Variants in KATNBL1 observed in about 807,000 individuals in gnomAD.
KATNBL1 encodes KATNB1-like protein 1.
In KATNBL1, 28 loss-of-function variants were observed where a neutral mutation model predicts 44.7. That is an observed-to-expected ratio of 0.63 (90% CI 0.46 to 0.86). The LOEUF (loss-of-function observed/expected upper bound fraction) is 0.86. KATNBL1 is among the 40% of genes least tolerant of loss of function. The pLI is 0.00. For synonymous variants in KATNBL1, 78 were observed against 114.9 expected, an observed-to-expected ratio of 0.68 and a Z score of 2.06; for missense variants, 272 against 350.7, an observed-to-expected ratio of 0.78 and a Z score of 1.79.
At chr15:34,200,259 T>C (rs141706783) in intron 1 of KATNBL1, among the ~76,000 whole-genome samples, 2,122 of 151,504 alleles carry the variant, frequency 0.014, 30 homozygotes, top group Non-Finnish European at 0.022. Flanking sequence ...CTCTCTCTCT[T>C]CTTTTTTTTT....
In KATNBL1 at chr15:34,204,046, A is replaced by C. The variant is rs573470023; in HGVS notation, c.-15+5905T>G. 2.7e-4 allele frequency among the ~76,000 whole-genome samples: 40 copies of C among 148,042 alleles called. No homozygotes were observed. In the South Asian group the frequency reaches 8.5e-3, roughly 32 times the overall value. ...TTAAAAAAAAAAAAAAAAAAGAGCCAGTGTGTGTGATTCACTCCCATTACC... is the reference window on the plus strand; with the variant it reads ...TTAAAAAAAAAAAAAAAAAAGAGCCCGTGTGTGTGATTCACTCCCATTACC... On this transcript the variant is annotated intron_variant, in intron 1 of 9. Transcript: ENST00000256544.
chr15:34,198,325 A>G, intron 1 of KATNBL1: 1 of 152,186 alleles, frequency 6.6e-6, no homozygotes, highest in Non-Finnish European at 1.5e-5. Context: ...CCATCATCCC[A>G]TAGTTTCTAG....
chr15:34,178,434 G>A (rs1889402172), intron 1 of KATNBL1, among the ~76,000 whole-genome samples: 2 of 152,136 alleles, frequency 1.3e-5, no homozygotes, highest in African/African-American at 2.4e-5. Flanking sequence ...AAAAATGAAA[G>A]GGAAGGGTGA....
At chr15:34,174,486 C>T (rs8028950) in intron 1 of KATNBL1, among the ~76,000 whole-genome samples, 2 of 151,894 alleles carry the variant, frequency 1.3e-5, no homozygotes, top group Non-Finnish European at 2.9e-5. Flanking sequence ...ATACTGATAA[C>T]TGTATTATAT....
At chr15:34,150,392 G>C (rs935123529) in intron 4 of KATNBL1, among the ~76,000 whole-genome samples, 3 of 152,122 alleles carry the variant, frequency 2.0e-5, no homozygotes, top group Non-Finnish European at 4.4e-5. Flanking sequence ...TCAGTAGTTC[G>C]AGACCAACCT....
intron 2 of KATNBL1, among the ~76,000 whole-genome samples, chr15:34,159,987 A>T (rs1311378880): frequency 1.3e-5 from 2 of 152,172 alleles, no homozygotes; most frequent in Non-Finnish European, 2.9e-5. Flanking sequence ...ATAAGCTCAA[A>T]TTTAGGTCCC....
At chr15:34,160,377 T>C (rs1888762073) in intron 2 of KATNBL1, among the ~76,000 whole-genome samples, 1 of 152,202 alleles carries the variant, frequency 6.6e-6, no homozygotes, top group African/African-American at 2.4e-5. Flanking sequence ...AGCTCTTCTA[T>C]AGATCTGCCT....
At chr15:34,148,420 CA>C in intron 5 of KATNBL1, 5 of 363,536 alleles carry the variant, frequency 1.4e-5, no homozygotes, top group Middle Eastern at 8.5e-4. Context: ...TCATGTCTTC[CA>C]AAAAATTTTT....
chr15:34,151,162 C>T (rs1229884737), intron 4 of KATNBL1, among the ~76,000 whole-genome samples: 4 of 152,060 alleles, frequency 2.6e-5, no homozygotes, highest in African/African-American at 4.8e-5. Context: ...GAAAAATTGT[C>T]GCACTGCTTT....
intron 1 of KATNBL1, among the ~76,000 whole-genome samples, chr15:34,197,126 T>C (rs1361952305): frequency 2.0e-5 from 3 of 152,216 alleles, no homozygotes; most frequent in Non-Finnish European, 4.4e-5. Flanking sequence ...TTTGCATCCA[T>C]GATAACACAA....
At chr15:34,198,299 T>C (rs1049054726) in intron 1 of KATNBL1, 2 of 152,212 alleles carry the variant, frequency 1.3e-5, no homozygotes, top group African/African-American at 4.8e-5. Flanking sequence ...CAATCTTTCC[T>C]GCTGTGAAAT....
chr15:34,150,323 G>A (rs2140905542), intron 4 of KATNBL1, among the ~76,000 whole-genome samples: 2 of 152,324 alleles, frequency 1.3e-5, no homozygotes, highest in Admixed American at 1.3e-4. Flanking sequence ...AGGCACAGTG[G>A]CTCACACCTG....
intron 1 of KATNBL1, among the ~76,000 whole-genome samples, chr15:34,204,969 C>A (rs535376119): frequency 6.7e-6 from 1 of 149,678 alleles, no homozygotes; most frequent in Non-Finnish European, 1.5e-5. Context: ...AGTTGTGGAA[C>A]AGGAAGGCAA....
At chr15:34,154,488 A>G (rs912262736) in intron 3 of KATNBL1, among the ~76,000 whole-genome samples, 156 bp downstream of exon 3, 3 of 152,190 alleles carry the variant, frequency 2.0e-5, no homozygotes, top group East Asian at 1.9e-4. Flanking sequence ...CAGAGACAAT[A>G]TTGATGTGTT....
chr15:34,204,135 T>C (rs1890236075), intron 1 of KATNBL1, among the ~76,000 whole-genome samples: 1 of 151,944 alleles, frequency 6.6e-6, no homozygotes, highest in African/African-American at 2.4e-5. Flanking sequence ...CCTGTCCACA[T>C]TGCTAAGCAA....
chr15:34,148,453 T>A, intron 5 of KATNBL1, 179 bp downstream of exon 5: 1 of 445,820 alleles, frequency 2.2e-6, no homozygotes, highest in Non-Finnish European at 4.2e-6. Context: ...CCAGGTGTGG[T>A]GATGTGCACC....
At chr15:34,181,975 T>C (rs1889581093) in intron 1 of KATNBL1, among the ~76,000 whole-genome samples, 1 of 150,176 alleles carries the variant, frequency 6.7e-6, no homozygotes. Context: ...ATAGACTTTA[T>C]CAAAAATTTA....
At chr15:34,184,506 T>C (rs1889661641) in intron 1 of KATNBL1, among the ~76,000 whole-genome samples, 1 of 146,468 alleles carries the variant, frequency 6.8e-6, no homozygotes, top group Non-Finnish European at 1.5e-5. Flanking sequence ...AAAAAGGAAC[T>C]CCTAAACTCA....
In KATNBL1 at chr15:34,170,377, C is replaced by G. The variant is rs559113180; in HGVS notation, c.-14-6687G>C. On this transcript the variant is annotated intron_variant, in intron 1 of 9. Coordinates refer to ENST00000256544, the MANE Select transcript of KATNBL1 (RefSeq NM_024713.3). The stretch of plus-strand genomic sequence containing the variant: ...ATAAAATACCTAGGAATCCAACTTA[C>G]AAGGGATGTGAAGGACCTCTTCAAG... Among the ~76,000 whole-genome samples the G allele has an allele frequency of 1.0e-3, 153 of 152,264 alleles. 1 individual carries two copies. The highest frequency in any genetic ancestry group is 3.5e-3 in the South Asian group (17 of 4,824).
Sources: gnomAD v4.1 joint callset for allele counts (sites outside exome capture counted in the v4.1 genomes callset) on GRCh38, gnomAD v4.1.1 for gene constraint, MANE v1.5 for transcripts, NCBI Gene and HGNC (gene_info 2026-07-23, HGNC 2026-07-21) for gene names.